The following LPP variants were observed in gnomAD, a reference collection of about 807,000 sequenced individuals.
LPP encodes LIM domain containing preferred translocation partner in lipoma.
LPP carries 38 observed loss-of-function variants against 60.4 expected under a neutral mutation model. That is an observed-to-expected ratio of 0.63 (90% CI 0.49 to 0.83). The LOEUF is 0.83. LPP is among the 40% of genes least tolerant of loss of function. The pLI is 0.00. For synonymous variants in LPP, 328 were observed against 290.8 expected (o/e 1.13, Z -1.30); for missense variants, 902 against 783.6 (o/e 1.15, Z -1.80).
intron 3 of LPP, among the ~76,000 whole-genome samples, chr3:188,384,663 G>A (rs1476727286): frequency 6.6e-6 from 1 of 152,002 alleles, no homozygotes; most frequent in Non-Finnish European, 1.5e-5. Flanking sequence ...GGTGGCACAT[G>A]CCTGTAATCC....
intron 2 of LPP, among the ~76,000 whole-genome samples, chr3:188,273,626 A>T: frequency 1.3e-5 from 1 of 74,718 alleles, no homozygotes; most frequent in Non-Finnish European, 2.5e-5. Flanking sequence ...ACGGAGTTTC[A>T]CTCTTGTTGC....
At chr3:188,786,610 C>T (rs1488995517) in intron 9 of LPP, among the ~76,000 whole-genome samples, 1 of 151,998 alleles carries the variant, frequency 6.6e-6, no homozygotes, top group East Asian at 1.9e-4. Flanking sequence ...CTTGTATATC[C>T]CAGGGAAATG....
At chr3:188,392,771 A>C (rs1309043243) in intron 3 of LPP, among the ~76,000 whole-genome samples, 1 of 152,146 alleles carries the variant, frequency 6.6e-6, no homozygotes, top group Non-Finnish European at 1.5e-5. Context: ...TTGATTGAAA[A>C]AGGAGGTGGT....
intron 8 of LPP, among the ~76,000 whole-genome samples, chr3:188,727,755 C>T (rs1415193836): frequency 6.6e-6 from 1 of 152,088 alleles, no homozygotes; most frequent in Non-Finnish European, 1.5e-5. Context: ...AACAGGTAAG[C>T]ATTCATATCC....
chr3:188,444,275 A>G (rs1289663884), intron 4 of LPP, among the ~76,000 whole-genome samples: 2 of 150,748 alleles, frequency 1.3e-5, no homozygotes, highest in African/African-American at 4.9e-5. Context: ...AAGGGTTTGT[A>G]TCATTGCATG....
intron 3 of LPP, among the ~76,000 whole-genome samples, chr3:188,343,545 C>T (rs943419773): frequency 7.2e-5 from 11 of 152,160 alleles, no homozygotes; most frequent in African/African-American, 4.8e-5. Context: ...CTAACCTTCC[C>T]TCCGATGCCA....
intron 6 of LPP, among the ~76,000 whole-genome samples, chr3:188,546,001 C>A (rs998479400): frequency 6.6e-6 from 1 of 152,130 alleles, no homozygotes; most frequent in African/African-American, 2.4e-5. Context: ...TTTACTACAT[C>A]ATATTTTAAT....
chr3:188,708,329 G>A lies in LPP; in HGVS notation c.1176G>A (p.Glu392=), dbSNP rs751571492. ...CCCCTTCATTCCGCCCAGAGGATGAGCTTGAGCACCTGACCAAAAAGATGC... is the reference window on the plus strand; with the variant it reads ...CCCCTTCATTCCGCCCAGAGGATGAACTTGAGCACCTGACCAAAAAGATGC... ...SVAPSFRPED[E]LEHLTKKMLY... is the part of the protein sequence containing the mutation. Residue 392 remains glutamate (E), a synonymous_variant, in exon 8 of 12, where the codon GAG becomes GAA. Transcript: ENST00000617246. The A allele has an allele frequency of 1.9e-6, 3 of 1,614,164 alleles. No homozygotes were observed. The highest frequency in any genetic ancestry group is 2.2e-5 in the East Asian group (1 of 44,882).
chr3:188,242,754 A>T (rs755390367), intron 2 of LPP, among the ~76,000 whole-genome samples: 1 of 152,190 alleles, frequency 6.6e-6, no homozygotes, highest in African/African-American at 2.4e-5. Flanking sequence ...ACATCTGATA[A>T]TCACTTACCT....
At chr3:188,707,518 T>C (rs1409546222) in intron 7 of LPP, among the ~76,000 whole-genome samples, 4 of 152,246 alleles carry the variant, frequency 2.6e-5, no homozygotes, top group African/African-American at 9.6e-5. Flanking sequence ...GTGTCAATGC[T>C]ACTGACTTAT....
At chr3:188,178,194 C>T (rs1376658971) in intron 1 of LPP, among the ~76,000 whole-genome samples, 1 of 152,154 alleles carries the variant, frequency 6.6e-6, no homozygotes, top group Admixed American at 6.5e-5. Flanking sequence ...CAGCCAATTT[C>T]ACAGATGGGG....
chr3:188,886,786 C>A lies in LPP; in HGVS notation c.*12307C>A. 4.6e-6 allele frequency: 1 copy of A among 215,976 alleles called. No individual in the cohort carries two copies. The highest frequency in any genetic ancestry group is 9.0e-6 in the Non-Finnish European group (1 of 110,890). 13.4% of individuals were successfully genotyped at this position (215,976 alleles called of 1,614,324 possible). ...CACACCCCTTCCAAGAAAGCTGATCCTTCAGAAAATAAATCTTATTTTTAA... is the reference window on the plus strand; with the variant it reads ...CACACCCCTTCCAAGAAAGCTGATCATTCAGAAAATAAATCTTATTTTTAA... On this transcript the variant is annotated 3_prime_UTR_variant, in exon 12 of 12. Transcript: ENST00000617246.
At chr3:188,786,996 T>C (rs1443614598) in intron 9 of LPP, among the ~76,000 whole-genome samples, 1 of 152,080 alleles carries the variant, frequency 6.6e-6, no homozygotes, top group East Asian at 1.9e-4. Flanking sequence ...ATAGAAGGGA[T>C]CATTGTGGTG....
intron 5 of LPP, among the ~76,000 whole-genome samples, chr3:188,502,632 C>T (rs1351375996): frequency 1.3e-5 from 2 of 152,150 alleles, no homozygotes; most frequent in Admixed American, 1.3e-4. Context: ...AGAATTACTT[C>T]TTATTTTCCT....
At chr3:188,401,165 T>G (rs1007554317) in intron 3 of LPP, among the ~76,000 whole-genome samples, 2 of 152,194 alleles carry the variant, frequency 1.3e-5, no homozygotes. Context: ...CTTGGATCCA[T>G]CCTACATGAT....
chr3:188,518,404 T>C (rs1349104870), intron 5 of LPP, among the ~76,000 whole-genome samples: 1 of 152,216 alleles, frequency 6.6e-6, no homozygotes, highest in Non-Finnish European at 1.5e-5. Flanking sequence ...ATTATTAGCC[T>C]CTTAGGTTTT....
chr3:188,207,842 A>G (rs1685696998), intron 1 of LPP, among the ~76,000 whole-genome samples: 1 of 152,028 alleles, frequency 6.6e-6, no homozygotes. Flanking sequence ...CCAAAAGTCT[A>G]ACCCACCCAT....
chr3:188,462,544 TTATATA>T (rs71167102), intron 4 of LPP, among the ~76,000 whole-genome samples: 484 of 34,152 alleles, frequency 0.014, 9 homozygotes, highest in East Asian at 0.044. Flanking sequence ...TATATGAGCT[TTATATA>T]TATATATATA....
Position 188,174,045 on chromosome 3 carries a change from C to T in LPP, c.-190+19793C>T, listed in dbSNP as rs529869211. Among the ~76,000 whole-genome samples, 3 of 152,270 alleles carry T rather than the reference C, an allele frequency of 2.0e-5. No individual in the cohort carries two copies. In the South Asian group the frequency reaches 6.2e-4, roughly 32 times the overall value. ...TGAAAGTTAAGCAAACCGTTGTGCC[C>T]ACTTTTAGCACAGCCTGGAACGTAG... On this transcript the variant is annotated intron_variant, in intron 1 of 11. Transcript: ENST00000617246.
Sources: gnomAD v4.1 joint callset for allele counts (sites outside exome capture counted in the v4.1 genomes callset) on GRCh38, gnomAD v4.1.1 for gene constraint, MANE v1.5 for transcripts, NCBI Gene and HGNC (gene_info 2026-07-23, HGNC 2026-07-21) for gene names.